MYT1L: variants seen among roughly 807,000 people sequenced by gnomAD.
MYT1L encodes the protein myelin transcription factor 1 like.
A neutral mutation model predicts 126.7 loss-of-function variants in MYT1L; 12 were observed. That is an observed-to-expected ratio of 0.09 (90% CI 0.06 to 0.15). The LOEUF is 0.15. Ranked by LOEUF, MYT1L falls within the 10% of genes least tolerant of loss-of-function variation. The pLI is 1.00. For missense variants in MYT1L, 979 were observed against 1,585.2 expected, an observed-to-expected ratio of 0.62 and a Z score of 6.49; for synonymous variants, 541 against 604.2, an observed-to-expected ratio of 0.90 and a Z score of 1.53.
At chr2:2,065,459 TG>T (rs1260960441) in intron 3 of MYT1L, among the ~76,000 whole-genome samples, 3 of 152,142 alleles carry the variant, frequency 2.0e-5, no homozygotes, top group Non-Finnish European at 2.9e-5. Flanking sequence ...CCAAAGCAAT[TG>T]CACTTTGATT....
chr2:1,969,786 G>A (rs1272618460), intron 8 of MYT1L, among the ~76,000 whole-genome samples: 3 of 152,188 alleles, frequency 2.0e-5, no homozygotes, highest in Non-Finnish European at 2.9e-5. Context: ...AGTGGCCACA[G>A]CCTTCTCCCA....
chr2:1,964,262 T>C (rs34160110), intron 8 of MYT1L, among the ~76,000 whole-genome samples: 14,283 of 152,164 alleles, frequency 0.094, 1,223 homozygotes, highest in African/African-American at 0.23. Flanking sequence ...GTTCCTGGTG[T>C]CCCCAAACAA....
intron 4 of MYT1L, among the ~76,000 whole-genome samples, chr2:2,045,136 A>T (rs571750417): frequency 6.6e-6 from 1 of 152,344 alleles, no homozygotes; most frequent in Admixed American, 6.5e-5. Context: ...TATGAGGAAT[A>T]AAAGAAAACT....
intron 4 of MYT1L, among the ~76,000 whole-genome samples, chr2:2,001,169 T>C (rs2062338443): frequency 6.6e-6 from 1 of 152,000 alleles, no homozygotes; most frequent in African/African-American, 2.4e-5. Context: ...TTTATCACTA[T>C]TAGTTTTTTT....
At chr2:1,872,272 G>T (rs77669406) in intron 18 of MYT1L, among the ~76,000 whole-genome samples, 1 of 152,148 alleles carries the variant, frequency 6.6e-6, no homozygotes, top group Non-Finnish European at 1.5e-5. Context: ...TTTCCATCAC[G>T]TTCTCACCCT....
chr2:1,903,954 T>TGCGCGC (rs776081966), intron 13 of MYT1L, among the ~76,000 whole-genome samples: 1 of 151,158 alleles, frequency 6.6e-6, no homozygotes, highest in Non-Finnish European at 1.5e-5. Context: ...TGTGTGCGCG[T>TGCGCGC]GCGCGCGTGT....
chr2:1,954,445 C>G (rs1275038043), intron 8 of MYT1L, among the ~76,000 whole-genome samples: 2 of 152,164 alleles, frequency 1.3e-5, no homozygotes, highest in Non-Finnish European at 2.9e-5. Flanking sequence ...GTCTTTGTGA[C>G]CATGCATACG....
chr2:1,791,762 T>G lies in MYT1L; in HGVS notation c.*105A>C. The G allele has an allele frequency of 1.7e-6, 2 of 1,171,328 alleles. No homozygotes were observed. 72.6% of individuals were successfully genotyped at this position (1,171,328 alleles called of 1,614,324 possible). ...GAAGTCTTGTAAGCATAACACTGTT[T>G]CAAATTCAAACAGAAATAAATATAG... On this transcript the variant is annotated 3_prime_UTR_variant, in exon 25 of 25. Coordinates refer to ENST00000647738, the MANE Select transcript of MYT1L (RefSeq NM_001303052.2). The surrounding 1 kb of genome is among the most constrained non-coding windows in gnomAD (Gnocchi z 6.0).
At chr2:2,050,679 T>C (rs2068725370) in intron 4 of MYT1L, among the ~76,000 whole-genome samples, 1 of 152,136 alleles carries the variant, frequency 6.6e-6, no homozygotes, top group Admixed American at 6.5e-5. Flanking sequence ...GAAGCTAAGC[T>C]GCTGCAGACA....
At chr2:2,300,242 G>A (rs560351933) in intron 1 of MYT1L, among the ~76,000 whole-genome samples, 27 of 152,316 alleles carry the variant, frequency 1.8e-4, no homozygotes, top group African/African-American at 6.5e-4. Context: ...GGATACATGT[G>A]AGTAGAGGCA....
At chr2:2,271,418 G>T (rs572240157) in intron 2 of MYT1L, among the ~76,000 whole-genome samples, 38 of 152,276 alleles carry the variant, frequency 2.5e-4, no homozygotes, top group East Asian at 1.9e-4. Context: ...GGCTTAAAAA[G>T]CTCCCACCCC....
At chr2:2,236,769 CT>C (rs2094319966) in intron 2 of MYT1L, among the ~76,000 whole-genome samples, 1 of 31,348 alleles carries the variant, frequency 3.2e-5, no homozygotes, top group Non-Finnish European at 6.3e-5. Context: ...TCTTCTTCTT[CT>C]TCTTCTTCTT....
At chr2:1,842,035 T>C (rs920562134) in intron 19 of MYT1L, 20 of 152,232 alleles carry the variant, frequency 1.3e-4, no homozygotes, top group African/African-American at 4.8e-4. Context: ...TGGAAAAGAA[T>C]TGAAGAACCA....
intron 2 of MYT1L, among the ~76,000 whole-genome samples, chr2:2,245,299 G>A (rs978475952): frequency 3.9e-5 from 6 of 152,036 alleles, no homozygotes; most frequent in South Asian, 2.1e-4. Context: ...GACTGAGAGC[G>A]GATGGTGCTG....
Position 1,989,671 on chromosome 2 carries a change from T to C in MYT1L, c.-1+7520A>G, listed in dbSNP as rs566179683. On this transcript the variant is annotated intron_variant, in intron 5 of 24. Transcript: ENST00000647738. Reference sequence around the variant, plus strand: ...TTCCTACCTATAGGGGGAAACATCATAAATATTAGGTAAGTAATGAACATT... The same window carrying C: ...TTCCTACCTATAGGGGGAAACATCACAAATATTAGGTAAGTAATGAACATT... Among the ~76,000 whole-genome samples, 26 of 152,146 alleles carry C rather than the reference T, an allele frequency of 1.7e-4. No homozygotes were observed. The South Asian group carries it at 5.4e-3, about 32-fold the overall frequency.
chr2:2,014,170 C>T (rs2064124247), intron 4 of MYT1L, among the ~76,000 whole-genome samples: 1 of 151,364 alleles, frequency 6.6e-6, no homozygotes, highest in Admixed American at 6.6e-5. Flanking sequence ...CATTTTTTTT[C>T]CTGCAGTGGG....
At chr2:1,914,437 T>C (rs1464111513) in intron 11 of MYT1L, among the ~76,000 whole-genome samples, 3 of 152,054 alleles carry the variant, frequency 2.0e-5, no homozygotes, top group Non-Finnish European at 2.9e-5. Context: ...AAACTTCCCA[T>C]GTATGGACCC....
At position 2,175,914 on chromosome 2, in the gene MYT1L, C is replaced by A. The variant is rs193185164; in HGVS notation, c.-420-2926G>T. Among the ~76,000 whole-genome samples the A allele has an allele frequency of 1.0e-3, 155 of 152,314 alleles. 1 individual carries two copies. The highest frequency in any genetic ancestry group is 3.4e-3 in the Middle Eastern group (1 of 294). ...GACTAACAGCCGTAGGAGCTCCTTG[C>A]TCGGGGGCTGGGTTGAGATGAATAA... On this transcript the variant is annotated intron_variant, in intron 2 of 24. Transcript: ENST00000647738.
chr2:2,239,146 A>T (rs2094388367), intron 2 of MYT1L, among the ~76,000 whole-genome samples: 1 of 152,242 alleles, frequency 6.6e-6, no homozygotes, highest in Non-Finnish European at 1.5e-5. Flanking sequence ...ATGAATGGAC[A>T]CTACCATTTC....
Sources: allele counts gnomAD v4.1 joint callset (sites outside exome capture counted in the v4.1 genomes callset), GRCh38; gene constraint gnomAD v4.1.1; non-coding constraint Gnocchi (gnomAD v3.1); transcripts MANE v1.5; gene names NCBI Gene and HGNC (gene_info 2026-07-23, HGNC 2026-07-21).